SMARCA4: variants seen among roughly 807,000 people sequenced by gnomAD.
The protein encoded by SMARCA4 is SWI/SNF-related matrix-associated actin-dependent regulator of chromatin subfamily A member 4.
Under a neutral mutation model 193.9 loss-of-function variants are expected in SMARCA4, and 31 were observed. The observed-to-expected ratio is 0.16, with a 90% CI of 0.12 to 0.22. SMARCA4 has a LOEUF of 0.22. SMARCA4 is among the 10% of genes least tolerant of loss of function. SMARCA4 has a pLI of 1.00. For synonymous variants in SMARCA4, 942 were observed against 933.1 expected (o/e 1.01, Z -0.17); for missense variants, 1,148 against 2,296.0 (o/e 0.50, Z 10.22).
In SMARCA4 at chr19:11,024,378, C is replaced by G. The variant is rs1555780015; in HGVS notation, c.3021C>G (p.Leu1007=). The change falls in exon 21 of 35, where the codon CTC becomes CTG. Residue 1007 remains leucine (L), a synonymous_variant. Coordinates refer to ENST00000344626, the MANE Select transcript of SMARCA4 (RefSeq NM_003072.5). The part of the protein sequence containing the change: ...KCDMSALQRV[L]YRHMQAKGVL... Reference sequence around the variant, plus strand: ...ACATGTCTGCGCTGCAGCGAGTGCTCTACCGCCACATGCAGGCCAAGGGCG... The same window carrying G: ...ACATGTCTGCGCTGCAGCGAGTGCTGTACCGCCACATGCAGGCCAAGGGCG... The G allele has an allele frequency of 6.2e-7, 1 of 1,613,224 alleles. No homozygotes were observed. Among genetic ancestry groups the G allele is most frequent in the Non-Finnish European group, 8.5e-7 (1 of 1,179,920 alleles).
At chr19:11,060,315 CCTG>C in intron 34 of SMARCA4, 128 bp downstream of exon 34, 1 of 1,193,632 alleles carries the variant, frequency 8.4e-7, no homozygotes, top group Non-Finnish European at 1.2e-6. Context: ...TGAGGCTTGA[CCTG>C]CCATGGCTGA....
intron 18 of SMARCA4, chr19:11,021,452 A>C: frequency 3.5e-6 from 2 of 569,070 alleles, no homozygotes; most frequent in Non-Finnish European, 6.6e-6. Flanking sequence ...TTTTGCAGGG[A>C]AGCCAGATTG....
rs574475042 is a variant in SMARCA4 at position 11,035,236 on chromosome 19, T to C, written c.4170+104T>C. On this transcript the variant is annotated intron_variant, in intron 29 of 34. Coordinates refer to ENST00000344626, the MANE Select transcript of SMARCA4 (RefSeq NM_003072.5). ...ACTCAGGCCTGGGTCCAAAATGCTTTCCTTGGGCCACTCCTGGCCAGGCTC... is the reference window on the plus strand; with the variant it reads ...ACTCAGGCCTGGGTCCAAAATGCTTCCCTTGGGCCACTCCTGGCCAGGCTC... 4.7e-5 allele frequency: 51 copies of C among 1,088,712 alleles called. No individual in the cohort carries two copies. The African/African-American group carries it at 7.0e-4, about 15-fold the overall frequency. 67.4% of individuals were successfully genotyped at this position (1,088,712 alleles called of 1,614,324 possible).
intron 1 of SMARCA4, among the ~76,000 whole-genome samples, chr19:10,974,049 AG>A (rs2084902741): frequency 6.6e-6 from 1 of 152,148 alleles, no homozygotes. Flanking sequence ...AATTTCCCCA[AG>A]CCCCAAAAAA....
chr19:11,049,481 CTG>C (rs1248158388), intron 30 of SMARCA4, among the ~76,000 whole-genome samples: 6 of 143,562 alleles, frequency 4.2e-5, no homozygotes, highest in Non-Finnish European at 7.8e-5. Context: ...TCCCTGGGTT[CTG>C]TGTTTTTTTT....
chr19:10,982,908 G>C (rs1460213484), intron 1 of SMARCA4, among the ~76,000 whole-genome samples: 1 of 152,196 alleles, frequency 6.6e-6, no homozygotes, highest in African/African-American at 2.4e-5. Flanking sequence ...GGGGCAAAGA[G>C]ATTCATTCCA....
At chr19:11,004,270 G>A (rs1233345333) in intron 13 of SMARCA4, among the ~76,000 whole-genome samples, 3 of 143,434 alleles carry the variant, frequency 2.1e-5, no homozygotes, top group East Asian at 4.1e-4. Context: ...TTTTTTTTGA[G>A]ACAGAGTCTC....
rs569040381 is a variant in SMARCA4 at position 10,991,242 on chromosome 19, C to G, written c.1338C>G (p.Ser446=). The change falls in exon 8 of 35, where the codon TCC becomes TCG. Residue 446 remains serine (S), a synonymous_variant. Transcript: ENST00000344626. ...CCTACAAGCGCAGCAAGCGCCAGTC[C>G]CTGCGCGAGGCCCGCATCACTGAGA... is the stretch of plus-strand genomic sequence containing the variant. The part of the protein sequence containing the change: ...AKAYKRSKRQ[S]LREARITEKL... The G allele has an allele frequency of 6.2e-7, 1 of 1,613,362 alleles. No individual in the cohort carries two copies. Among genetic ancestry groups the G allele is most frequent in the Non-Finnish European group, 8.5e-7 (1 of 1,179,836 alleles).
At chr19:10,980,063 G>A (rs145333367) in intron 1 of SMARCA4, among the ~76,000 whole-genome samples, 61 of 152,286 alleles carry the variant, frequency 4.0e-4, no homozygotes, top group Middle Eastern at 3.4e-3. Context: ...TCAAGTGCAG[G>A]CACCAGCAAC....
intron 32 of SMARCA4, 80 bp from the exon 33 acceptor site, chr19:11,059,673 G>A (rs2147109988): frequency 6.7e-7 from 1 of 1,483,700 alleles, no homozygotes. Flanking sequence ...CACAGGGCTG[G>A]GGCTGGGGCT....
In SMARCA4 at chr19:11,025,522, G is replaced by A. The variant is rs370110793; in HGVS notation, c.3168+14G>A. The A allele has an allele frequency of 2.4e-5, 38 of 1,603,870 alleles. No homozygotes were observed. The African/African-American group carries it at 2.9e-4, about 12-fold the overall frequency. ...CAGCACATCGAGGTGAGCCCGCCGCGGCTGGGACGGCTCAGGCCCTGCTGT... is the reference window on the plus strand; with the variant it reads ...CAGCACATCGAGGTGAGCCCGCCGCAGCTGGGACGGCTCAGGCCCTGCTGT... On this transcript the variant is annotated intron_variant, in intron 22 of 34. Coordinates refer to ENST00000344626, the MANE Select transcript of SMARCA4 (RefSeq NM_003072.5).
rs1005789011 is a variant in SMARCA4, at chr19:10,985,548, G to C, written c.355+143G>C. 7.8e-6 allele frequency: 8 copies of C among 1,020,198 alleles called. No individual in the cohort carries two copies. Among genetic ancestry groups the C allele is most frequent in the Non-Finnish European group, 1.2e-5 (8 of 678,058 alleles). 63.2% of individuals were successfully genotyped at this position (1,020,198 alleles called of 1,614,324 possible). A position where few individuals can be genotyped will look rare whatever the true frequency, so the allele number is the denominator to read the frequency against. ...GGTGGGTGGCCCGCCACAGAGAGCTGTCTGGCATGGCGTGGCTGGTGCTCT... is the reference window on the plus strand; with the variant it reads ...GGTGGGTGGCCCGCCACAGAGAGCTCTCTGGCATGGCGTGGCTGGTGCTCT... On this transcript the variant is annotated intron_variant, in intron 3 of 34. Coordinates refer to ENST00000344626, the MANE Select transcript of SMARCA4 (RefSeq NM_003072.5). This position sits in a 1 kb window ranked among gnomAD's most constrained non-coding sequence, Gnocchi z 4.5.
In SMARCA4 at chr19:10,989,952, C is replaced by T. The variant is rs371569544; in HGVS notation, c.1245+509C>T. ...ACCTCAAATGATCGGCCTGCCTTGG[C>T]CTCCCAAAGTGCTGGGATTACAGGC... is the stretch of plus-strand genomic sequence containing the variant. On this transcript the variant is annotated intron_variant, in intron 7 of 34. Transcript: ENST00000344626. 6.6e-3 allele frequency among the ~76,000 whole-genome samples: 1,006 copies of T among 152,158 alleles called. 12 individuals are homozygous for T. The highest frequency in any genetic ancestry group is 0.052 in the South Asian group (252 of 4,816).
At chr19:11,038,912 A>T (rs1161536608) in intron 29 of SMARCA4, among the ~76,000 whole-genome samples, 1 of 152,214 alleles carries the variant, frequency 6.6e-6, no homozygotes, top group Non-Finnish European at 1.5e-5. Context: ...AGCGTTATTT[A>T]AAATAGCAAC....
rs536984597 is a variant in SMARCA4 at position 11,059,595 on chromosome 19, C to T, written c.4636-158C>T. Among the ~76,000 whole-genome samples, 13 of 152,360 alleles carry T rather than the reference C, an allele frequency of 8.5e-5. 1 individual carries two copies. The highest frequency in any genetic ancestry group is 2.9e-4 in the African/African-American group (12 of 41,586). Reference sequence around the variant, plus strand: ...GGAAGATTATGGAGAGGGCCTTCCACCCTGGGTGGGCTGAAGCCCCGACCC... The same window carrying T: ...GGAAGATTATGGAGAGGGCCTTCCATCCTGGGTGGGCTGAAGCCCCGACCC... On this transcript the variant is annotated intron_variant, in intron 32 of 34. Transcript: ENST00000344626.
intron 8 of SMARCA4, among the ~76,000 whole-genome samples, chr19:10,994,318 G>GTTTT (rs1006312137): frequency 3.3e-4 from 33 of 98,900 alleles, no homozygotes; most frequent in Non-Finnish European, 4.3e-4. Flanking sequence ...GATATTCTAG[G>GTTTT]TTTTTTTTTT....
chr19:11,053,920 A>T (rs1286637461), intron 30 of SMARCA4, among the ~76,000 whole-genome samples: 2 of 152,168 alleles, frequency 1.3e-5, no homozygotes, highest in Non-Finnish European at 2.9e-5. Flanking sequence ...GTAAAAAGAG[A>T]GAAAAGAAAC....
intron 34 of SMARCA4, among the ~76,000 whole-genome samples, chr19:11,061,188 T>TTA (rs1178420558): frequency 9.7e-4 from 67 of 68,842 alleles, no homozygotes; most frequent in African/African-American, 4.1e-3. Flanking sequence ...ACCCTGTCTT[T>TTA]AAAAAAAAAA....
At position 10,989,397 on chromosome 19, in the gene SMARCA4, C is replaced by T. The variant is rs1246299696; in HGVS notation, c.1199C>T (p.Ala400Val). Reference protein sequence around the residue: ...GSLAGDLRTKATIELKALRLL... With the variant: ...GSLAGDLRTKVTIELKALRLL... ...CTGGCCGGGGATTTGCGAACCAAAG[C>T]GACCATTGAGCTCAAGGCCCTCAGG... Residue 400 changes from alanine (A) to valine (V), a missense_variant, in exon 7 of 35, where the codon GCG (alanine) becomes GTG (valine). Ala to Val is a moderately conservative substitution (Grantham distance 64). Transcript: ENST00000344626. The T allele has an allele frequency of 1.9e-6, 3 of 1,614,070 alleles. No homozygotes were observed. The highest frequency in any genetic ancestry group is 2.5e-6 in the Non-Finnish European group (3 of 1,179,998).
Sources: allele counts gnomAD v4.1 joint callset (sites outside exome capture counted in the v4.1 genomes callset), GRCh38; gene constraint gnomAD v4.1.1; non-coding constraint Gnocchi (gnomAD v3.1); transcripts MANE v1.5; gene names NCBI Gene and HGNC (gene_info 2026-07-23, HGNC 2026-07-21).